The following TTC29 variants were observed in gnomAD, a reference collection of about 807,000 sequenced individuals.
TTC29 encodes tetratricopeptide repeat domain 29, also known as tetratricopeptide repeat protein 29.
TTC29 carries 49 observed loss-of-function variants against 58.1 expected under a neutral mutation model. The ratio of observed to expected loss-of-function variants is 0.84; its 90% CI spans 0.67 to 1.07. The LOEUF is 1.07. Ranked by LOEUF, TTC29 falls within the 50% of genes least tolerant of loss-of-function variation. The pLI, the probability that TTC29 is intolerant of heterozygous loss-of-function variation, is 0.00. For missense variants in TTC29, 582 were observed against 555.6 expected, an observed-to-expected ratio of 1.05 and a Z score of -0.48; for synonymous variants, 209 against 196.8, an observed-to-expected ratio of 1.06 and a Z score of -0.52.
chr4:146,940,415 A>G (rs981406524), intron 2 of TTC29, among the ~76,000 whole-genome samples: 2 of 152,268 alleles, frequency 1.3e-5, no homozygotes, highest in African/African-American at 4.8e-5. Flanking sequence ...AGCTACCCTG[A>G]GAAAGCACAC....
chr4:146,707,370 A>G lies in TTC29; in HGVS notation c.1397+115T>C, dbSNP rs1039009286. 1.5e-5 allele frequency: 12 copies of G among 806,390 alleles called. No individual in the cohort carries two copies. The African/African-American group carries it at 2.1e-4, about 14-fold the overall frequency. 50.0% of individuals were successfully genotyped at this position (806,390 alleles called of 1,614,324 possible). A position where few individuals can be genotyped will look rare whatever the true frequency, so the allele number is the denominator to read the frequency against. On this transcript the variant is annotated intron_variant, in intron 12 of 12. Transcript: ENST00000325106. Reference sequence around the variant, plus strand: ...TTTTTTAAAGCAGTGTTTCACTATTAAGGTTATCAAGTGCTGGATGAAGCT... The same window carrying G: ...TTTTTTAAAGCAGTGTTTCACTATTGAGGTTATCAAGTGCTGGATGAAGCT...
chr4:146,743,495 C>T (rs895081776), intron 11 of TTC29, among the ~76,000 whole-genome samples: 1 of 152,106 alleles, frequency 6.6e-6, no homozygotes, highest in Non-Finnish European at 1.5e-5. Context: ...AGCCAGACTG[C>T]TCTTTTTTTT....
At chr4:146,930,100 T>TATATATATACAC (rs1735220528) in intron 4 of TTC29, among the ~76,000 whole-genome samples, 4 of 129,498 alleles carry the variant, frequency 3.1e-5, no homozygotes, top group African/African-American at 1.2e-4. Flanking sequence ...TATATATATA[T>TATATATATACAC]ATATATATAT....
intron 11 of TTC29, among the ~76,000 whole-genome samples, chr4:146,754,314 G>C (rs555405510): frequency 6.6e-6 from 1 of 151,774 alleles, no homozygotes; most frequent in Non-Finnish European, 1.5e-5. Context: ...CAGAGATTTG[G>C]ATATCTTTTA....
rs1047549286 is a variant in TTC29, at chr4:146,827,570, C to T, written c.977+6236G>A. On this transcript the variant is annotated intron_variant, in intron 9 of 12. Coordinates refer to ENST00000325106, the MANE Select transcript of TTC29 (RefSeq NM_031956.4). Reference sequence around the variant, plus strand: ...TTATGGTGGAATTTAGAAAGATGTACGTTTGAATCTCAGCTCAGCCTCTTA... The same window carrying T: ...TTATGGTGGAATTTAGAAAGATGTATGTTTGAATCTCAGCTCAGCCTCTTA... Among the ~76,000 whole-genome samples, 11 of 152,240 alleles carry T rather than the reference C, an allele frequency of 7.2e-5. 1 individual carries two copies. In the East Asian group the frequency reaches 1.2e-3, roughly 16 times the overall value.
At chr4:146,778,976 C>CAAAAAAAAAAAAAAAAAAAAAAAAAAAG (rs1748347139) in intron 11 of TTC29, among the ~76,000 whole-genome samples, 1 of 28,536 alleles carries the variant, frequency 3.5e-5, no homozygotes, top group Non-Finnish European at 5.3e-5. Flanking sequence ...CCTAAATAAG[C>CAAAAAAAAAAAAAAAAAAAAAAAAAAAG]AAAAAAAAAA....
At chr4:146,937,483 T>G (rs1735934055) in intron 4 of TTC29, 111 bp downstream of exon 4, 2 of 695,668 alleles carry the variant, frequency 2.9e-6, no homozygotes, top group South Asian at 1.9e-5. Context: ...AATTTTTAAA[T>G]GCCATGTTCC....
At chr4:146,882,911 G>A (rs375699513) in intron 6 of TTC29, among the ~76,000 whole-genome samples, 1 of 152,110 alleles carries the variant, frequency 6.6e-6, no homozygotes, top group African/African-American at 2.4e-5. Context: ...CTTCTACTAT[G>A]TGCCAGGCGT....
chr4:146,855,467 C>T (rs2150189814), intron 8 of TTC29, among the ~76,000 whole-genome samples: 2 of 152,096 alleles, frequency 1.3e-5, no homozygotes, highest in Middle Eastern at 3.4e-3. Context: ...CAATAGAGGA[C>T]AGTCGTGGGA....
intron 8 of TTC29, among the ~76,000 whole-genome samples, chr4:146,839,684 AT>A (rs1045190839): frequency 6.6e-6 from 1 of 151,544 alleles, no homozygotes; most frequent in African/African-American, 2.4e-5. Context: ...TTCCTAGTTC[AT>A]TTTTTGTTTG....
intron 10 of TTC29, among the ~76,000 whole-genome samples, chr4:146,817,699 T>C (rs1751508039): frequency 6.6e-6 from 1 of 152,154 alleles, no homozygotes. Context: ...AAGGCTACAG[T>C]AACCAAAACA....
intron 11 of TTC29, among the ~76,000 whole-genome samples, chr4:146,708,357 C>CATGTGTGTATATATATATATAT (rs1561047198): frequency 5.9e-5 from 1 of 16,812 alleles, no homozygotes; most frequent in African/African-American, 1.4e-4. Flanking sequence ...TATATATATA[C>CATGTGTGTATATATATATATAT]ACATGTATGT....
chr4:146,875,914 A>G (rs1731225135), intron 6 of TTC29, among the ~76,000 whole-genome samples: 1 of 152,180 alleles, frequency 6.6e-6, no homozygotes, highest in Non-Finnish European at 1.5e-5. Flanking sequence ...ATTGTATTTT[A>G]TTTGTTAATT....
chr4:146,732,097 G>A (rs1171560711), intron 11 of TTC29, among the ~76,000 whole-genome samples: 1 of 152,120 alleles, frequency 6.6e-6, no homozygotes, highest in Non-Finnish European at 1.5e-5. Flanking sequence ...ATTCTGAGTA[G>A]TGCTGTTAAA....
intron 4 of TTC29, among the ~76,000 whole-genome samples, chr4:146,922,271 A>G (rs56843490): frequency 0.16 from 23,804 of 151,094 alleles, 2,989 homozygotes; most frequent in African/African-American, 0.34. Flanking sequence ...AAAAAACCCT[A>G]ACAAAACAAA....
chr4:146,822,671 G>A (rs1046165106), intron 9 of TTC29, among the ~76,000 whole-genome samples: 3 of 152,160 alleles, frequency 2.0e-5, no homozygotes, highest in Non-Finnish European at 2.9e-5. Flanking sequence ...GATCTTTGAG[G>A]AATCACCATA....
At chr4:146,912,038 C>A (rs1283519108) in intron 4 of TTC29, among the ~76,000 whole-genome samples, 1 of 152,116 alleles carries the variant, frequency 6.6e-6, no homozygotes, top group Non-Finnish European at 1.5e-5. Context: ...TTCTCTGGGC[C>A]ACATTGGAAG....
chr4:146,860,461 T>C (rs1198953283), intron 8 of TTC29, among the ~76,000 whole-genome samples: 1 of 152,134 alleles, frequency 6.6e-6, no homozygotes, highest in Admixed American at 6.6e-5. Context: ...TCCTTATATG[T>C]GGGGAATATG....
At chr4:146,909,708 T>C (rs961168478) in intron 4 of TTC29, among the ~76,000 whole-genome samples, 2 of 152,232 alleles carry the variant, frequency 1.3e-5, no homozygotes, top group African/African-American at 2.4e-5. Context: ...CAGAAAATAT[T>C]TATTGAAATC....
Sources: allele counts gnomAD v4.1 joint callset (sites outside exome capture counted in the v4.1 genomes callset), GRCh38; gene constraint gnomAD v4.1.1; transcripts MANE v1.5; gene names NCBI Gene and HGNC (gene_info 2026-07-23, HGNC 2026-07-21).